Variants in FLII observed in about 807,000 individuals in gnomAD.
FLII encodes FLII actin remodeling protein.
Under a neutral mutation model 156.2 loss-of-function variants are expected in FLII, and 101 were observed. That is an observed-to-expected ratio of 0.65 (90% confidence interval 0.55 to 0.76). FLII has a LOEUF of 0.76. Ranked by LOEUF, FLII falls within the 30% of genes least tolerant of loss-of-function variation. The pLI is 0.00. For synonymous variants in FLII, 767 were observed against 685.8 expected (o/e 1.12, Z -1.85); for missense variants, 1,675 against 1,682.8 (o/e 1.00, Z 0.08).
chr17:18,247,344 T>A lies in FLII; in HGVS notation c.2501A>T (p.Lys834Met), dbSNP rs150708367. The change falls in exon 21 of 30, where the codon AAG (lysine) becomes ATG (methionine). Residue 834 changes from lysine to methionine, a missense_variant. Lys to Met is a moderately conservative substitution (Grantham distance 95). Coordinates refer to ENST00000327031, the MANE Select transcript of FLII (RefSeq NM_002018.4). Reference sequence around the variant, plus strand: ...CAACACATCGTCCCAATTCTTGAACTTGGCCTTGAACACCTGCCAGGGAGG... The same window carrying A: ...CAACACATCGTCCCAATTCTTGAACATGGCCTTGAACACCTGCCAGGGAGG... ...EGTEAQVFKA[K>M]FKNWDDVLTV... 1 of 1,604,158 alleles carries A rather than the reference T, an allele frequency of 6.2e-7. No individual in the cohort carries two copies. Among genetic ancestry groups the A allele is most frequent in the Non-Finnish European group, 8.5e-7 (1 of 1,176,166 alleles).
At chr17:18,251,578 C>A in intron 12 of FLII, 101 bp from the exon 13 acceptor site, 1 of 1,577,202 alleles carries the variant, frequency 6.3e-7, no homozygotes, top group Non-Finnish European at 8.6e-7. Context: ...GCTGTTCTTT[C>A]TGCCCAGCAC....
intron 1 of FLII, chr17:18,257,270 C>T: frequency 4.1e-6 from 2 of 482,616 alleles, no homozygotes; most frequent in African/African-American, 2.0e-5. Flanking sequence ...AGGGCCAGGA[C>T]AAAACTGGCT....
chr17:18,247,180 A>G lies in FLII; in HGVS notation c.2665T>C (p.Ser889Pro), dbSNP rs2048101561. 1 of 1,378,880 alleles carries G rather than the reference A, an allele frequency of 7.3e-7. No homozygotes were observed. Among genetic ancestry groups the G allele is most frequent in the African/African-American group, 1.7e-5 (1 of 57,698 alleles). The allele number at this position is 1,378,880 out of a possible 1,614,324, so 85.4% of individuals were successfully genotyped here. The change falls in exon 21 of 30, where the codon TCG (serine) becomes CCG (proline). Residue 889 changes from serine to proline, a missense_variant. Coordinates refer to ENST00000327031, the MANE Select transcript of FLII (RefSeq NM_002018.4). ...ALFLPRQPPM[S>P]LAEAEQLMEE... Reference sequence around the variant, plus strand: ...GGCCCTGCCCCCACCTCGGCCAGCGACATGGGCGGCTGCCGCGGCAGGAAA... The same window carrying G: ...GGCCCTGCCCCCACCTCGGCCAGCGGCATGGGCGGCTGCCGCGGCAGGAAA...
chr17:18,244,942 G>A lies in FLII; in HGVS notation c.*196C>T, dbSNP rs2047972354. Reference sequence around the variant, plus strand: ...GGCTTCACACGTGCACTCACACTGTGGAGAGAGTTGGATTTCCCAGACCCC... The same window carrying A: ...GGCTTCACACGTGCACTCACACTGTAGAGAGAGTTGGATTTCCCAGACCCC... On this transcript the variant is annotated 3_prime_UTR_variant, in exon 30 of 30. Coordinates refer to ENST00000327031, the MANE Select transcript of FLII (RefSeq NM_002018.4). 1.6e-6 allele frequency: 1 copy of A among 643,356 alleles called. No individual in the cohort carries two copies. Among genetic ancestry groups the A allele is most frequent in the Non-Finnish European group, 2.7e-6 (1 of 365,474 alleles). The allele number at this position is 643,356 out of a possible 1,614,324, so 39.9% of individuals were successfully genotyped here. A position where few individuals can be genotyped will look rare whatever the true frequency, so the allele number is the denominator to read the frequency against.
intron 28 of FLII, 45 bp downstream of exon 28, chr17:18,245,510 T>C: frequency 1.9e-6 from 3 of 1,611,686 alleles, no homozygotes; most frequent in East Asian, 4.5e-5. Flanking sequence ...TAAGTAAGTC[T>C]ATGGGCGCCT....
In FLII at chr17:18,248,864, G is replaced by A. The variant is rs762815739; in HGVS notation, c.1954C>T (p.Arg652Ter). ...CGCCATACGTAGATGTCTAGCCCTCGGTCCAGCAGGAAAACAAACCTGGAC... is the reference window on the plus strand; with the variant it reads ...CGCCATACGTAGATGTCTAGCCCTCAGTCCAGCAGGAAAACAAACCTGGAC... ...LDPRFVFLLDRGLDIYVWRGA... is the reference protein window; with the variant it reads ...LDPRFVFLLD Residue 652 changes from arginine (R) to a stop codon, truncating the protein, a stop_gained, in exon 17 of 30, where the codon CGA (arginine) becomes TGA (stop). Coordinates refer to ENST00000327031, the MANE Select transcript of FLII (RefSeq NM_002018.4). LOFTEE classifies it high-confidence loss of function. The A allele has an allele frequency of 1.9e-6, 3 of 1,613,854 alleles. No individual in the cohort carries two copies. The highest frequency in any genetic ancestry group is 2.5e-6 in the Non-Finnish European group (3 of 1,179,880).
chr17:18,258,790 A>C, upstream of FLII: 3 of 744,938 alleles, frequency 4.0e-6, no homozygotes, highest in Non-Finnish European at 5.4e-6. The surrounding 1 kb of genome is among the most constrained non-coding windows in gnomAD (Gnocchi z 4.2). Flanking sequence ...CCGCCCCTTT[A>C]ACCCGCCCGC....
rs73980863 is a variant in FLII, at chr17:18,247,073, C to G, written c.2677-21G>C. 8.1e-3 allele frequency: 13,011 copies of G among 1,609,644 alleles called. 530 individuals are homozygous for G. The African/African-American group carries it at 0.11, about 14-fold the overall frequency. On this transcript the variant is annotated intron_variant, in intron 21 of 29. Transcript: ENST00000327031. The stretch of plus-strand genomic sequence containing the variant: ...TCCGCCTGCAGGTGAGAGGGACCCG[C>G]CCCGCGGCAGGTCTGAGCGCGCTCT...
Position 18,247,112 on chromosome 17 carries a change from G to A in FLII, c.2676+57C>T, listed in dbSNP as rs1444621230. 1.3e-5 allele frequency: 20 copies of A among 1,486,660 alleles called. No individual in the cohort carries two copies. The Admixed American group carries it at 3.3e-4, about 24-fold the overall frequency. The allele number at this position is 1,486,660 out of a possible 1,614,324, so 92.1% of individuals were successfully genotyped here. A position where few individuals can be genotyped will look rare whatever the true frequency, so the allele number is the denominator to read the frequency against. ...TGAGCGCGCTCTGCGCATAGGCCCC[G>A]CCCTCGGCCTGCCCCCCACCCCCCC... On this transcript the variant is annotated intron_variant, in intron 21 of 29. Transcript: ENST00000327031.
At position 18,249,285 on chromosome 17, in the gene FLII, A is replaced by G. The variant is rs916005209; in HGVS notation, c.1859+41T>C. On this transcript the variant is annotated intron_variant, in intron 15 of 29. Coordinates refer to ENST00000327031, the MANE Select transcript of FLII (RefSeq NM_002018.4). ...ACCCTCCCCTCCACCCCTTGCCAGC[A>G]GACTCCAGGTCCATACCCCCCACTG... The G allele has an allele frequency of 2.5e-6, 4 of 1,610,430 alleles. No homozygotes were observed. In the East Asian group the frequency reaches 6.7e-5, roughly 27 times the overall value.
At position 18,253,598 on chromosome 17, in the gene FLII, CTGGTCTATGCA is replaced by C; in HGVS notation, c.790_800del (p.Cys264ValfsTer40). 1 of 1,614,094 alleles carries C rather than the reference CTGGTCTATGCA, an allele frequency of 6.2e-7. No homozygotes were observed. Among genetic ancestry groups the C allele is most frequent in the Non-Finnish European group, 8.5e-7 (1 of 1,180,026 alleles). ...GGTTCAGAGTTTCCACGTGCACCCA[CTGGTCTATGCA>C]CAGGGACAGCTCCGTGATCTGGTTG... On this transcript the variant is annotated frameshift_variant, in exon 8 of 30. Transcript: ENST00000327031. LOFTEE classifies it high-confidence loss of function.
rs562023531 is a variant in FLII at position 18,246,981 on chromosome 17, C to T, written c.2748G>A (p.Lys916=). Residue 916 remains lysine (K), a synonymous_variant, in exon 22 of 30, where the codon AAG becomes AAA. Transcript: ENST00000327031. ...ACTCCTCTTCCGGCAGCCGCGCAAA[C>T]TTCTTGCCCTCCAGCACGAAACCCT... ...GMEGFVLEGK[K]FARLPEEEFG... 2.9e-5 allele frequency: 47 copies of T among 1,614,168 alleles called. 1 individual carries two copies. In the South Asian group the frequency reaches 4.9e-4, roughly 17 times the overall value.
rs1193768032 is a variant in FLII at position 18,247,258 on chromosome 17, C to G, written c.2587G>C (p.Val863Leu). 1.2e-6 allele frequency: 2 copies of G among 1,611,048 alleles called. No homozygotes were observed. Among genetic ancestry groups the G allele is most frequent in the Admixed American group, 3.3e-5 (2 of 59,832 alleles). Reference protein sequence around the residue: ...VLQSPGLSGKVKRDAEKKDQM... With the variant: ...VLQSPGLSGKLKRDAEKKDQM... ...TCTTTCTTCTCGGCGTCGCGTTTCA[C>G]CTTCCCGGAGAGACCCGGGCTCTGC... Residue 863 changes from valine (V) to leucine (L), a missense_variant, in exon 21 of 30, where the codon GTG becomes CTG. By Grantham distance (32) the Val-to-Leu change is conservative. Transcript: ENST00000327031.
intron 14 of FLII, 21 bp downstream of exon 14, chr17:18,250,817 C>A (rs1204996108): frequency 6.3e-7 from 1 of 1,599,182 alleles, no homozygotes; most frequent in African/African-American, 1.3e-5. Flanking sequence ...CTGCCCACCC[C>A]CAATTTTAAC....
Position 18,248,887 on chromosome 17 carries a change from G to A in FLII, c.1935-4C>T, listed in dbSNP as rs1332413835. 5 of 1,612,722 alleles carry A rather than the reference G, an allele frequency of 3.1e-6. No individual in the cohort carries two copies. The highest frequency in any genetic ancestry group is 1.1e-5 in the South Asian group (1 of 91,044). On this transcript the variant is annotated splice_region_variant and splice_polypyrimidine_tract_variant and intron_variant, in intron 16 of 29. Transcript: ENST00000327031. ...TCGGTCCAGCAGGAAAACAAACCTG[G>A]ACAAGAAGGGGCAGGAAGGAGCTGT...
Position 18,245,806 on chromosome 17 carries a change from G to T in FLII, c.3441C>A (p.Gly1147=). Residue 1147 remains glycine (G), a synonymous_variant, in exon 27 of 30, where the codon GGC becomes GGA. Transcript: ENST00000327031. ...CATCATAGGGCTTCTGTGCCCCAATGCCCACCCAGAAGAAGTTCTCAGGCT... is the reference window on the plus strand; with the variant it reads ...CATCATAGGGCTTCTGTGCCCCAATTCCCACCCAGAAGAAGTTCTCAGGCT... ...GEEPENFFWV[G]IGAQKPYDDD... 3.7e-6 allele frequency: 6 copies of T among 1,614,006 alleles called. No individual in the cohort carries two copies. Among genetic ancestry groups the T allele is most frequent in the Non-Finnish European group, 5.1e-6 (6 of 1,179,990 alleles).
Position 18,244,911 on chromosome 17 carries a change from TGA to T in FLII, c.*225_*226del. 1 of 546,138 alleles carries T rather than the reference TGA, an allele frequency of 1.8e-6. No individual in the cohort carries two copies. The highest frequency in any genetic ancestry group is 3.1e-5 in the South Asian group (1 of 32,700). 33.8% of individuals were successfully genotyped at this position (546,138 alleles called of 1,614,324 possible). ...ATCTGCTTTATCCCTAGCGGAAGAG[TGA>T]GGGGGCTTCACACGTGCACTCACAC... On this transcript the variant is annotated 3_prime_UTR_variant, in exon 30 of 30. Transcript: ENST00000327031.
chr17:18,254,549 C>T lies in FLII; in HGVS notation c.547G>A (p.Gly183Arg), dbSNP rs1416486817. The T allele has an allele frequency of 6.2e-7, 1 of 1,612,898 alleles. No homozygotes were observed. Among genetic ancestry groups the T allele is most frequent in the African/African-American group, 1.3e-5 (1 of 74,874 alleles). ...LVHLQTLVLN[G>R]NPLLHAQLRQ... ...AGCTGTGCATGCAGCAGGGGGTTTC[C>T]ATTGAGCACGAGCGTCTGCAGGTGC... The change falls in exon 6 of 30, where the codon GGA becomes AGA. Residue 183 changes from glycine (G) to arginine (R), a missense_variant. Physicochemically the swap from Gly to Arg is moderately radical, Grantham distance 125 (BLOSUM62 -2). Transcript: ENST00000327031.
chr17:18,254,200 G>A lies in FLII; in HGVS notation c.576-18C>T, dbSNP rs776061071. The stretch of plus-strand genomic sequence containing the variant: ...GGAGCTGCCTGCCAGGGTGACGTGA[G>A]TGGTCAGGGCCAGGGCCCACCTAGG... On this transcript the variant is annotated intron_variant, in intron 6 of 29. Transcript: ENST00000327031. 6.3e-7 allele frequency: 1 copy of A among 1,590,068 alleles called. No individual in the cohort carries two copies. The highest frequency in any genetic ancestry group is 2.2e-5 in the East Asian group (1 of 44,530).
Sources: gnomAD v4.1 joint callset for allele counts on GRCh38, gnomAD v4.1.1 for gene constraint, Gnocchi (gnomAD v3.1) non-coding constraint, MANE v1.5 for transcripts, NCBI Gene and HGNC (gene_info 2026-07-23, HGNC 2026-07-21) for gene names.